ATXN1: variants seen among roughly 807,000 people sequenced by gnomAD.
ATXN1 encodes ataxin-1.
A neutral mutation model predicts 56.4 loss-of-function variants in ATXN1; 8 were observed. The observed-to-expected ratio is 0.14, with a 90% confidence interval of 0.08 to 0.26. The LOEUF is 0.26. ATXN1 is among the 10% of genes least tolerant of loss of function. ATXN1 has a pLI of 1.00. For synonymous variants in ATXN1, 514 were observed against 494.6 expected (o/e 1.04, Z -0.52); for missense variants, 987 against 1,106.5 (o/e 0.89, Z 1.53).
intron 3 of ATXN1, among the ~76,000 whole-genome samples, chr6:16,606,797 G>A (rs111275569): frequency 0.048 from 7,255 of 150,926 alleles, 566 homozygotes; most frequent in African/African-American, 0.17. Context: ...CGAAGTGCTG[G>A]GATTACAAGC....
intron 6 of ATXN1, among the ~76,000 whole-genome samples, chr6:16,419,340 T>A (rs1758984379): frequency 1.3e-5 from 2 of 152,210 alleles, no homozygotes; most frequent in Admixed American, 1.3e-4. Context: ...TCTATTCCAA[T>A]CATTATTATA....
At chr6:16,696,220 T>A (rs1338931529) in intron 2 of ATXN1, among the ~76,000 whole-genome samples, 2 of 152,154 alleles carry the variant, frequency 1.3e-5, no homozygotes, top group Non-Finnish European at 2.9e-5. Context: ...TTTATCAGAT[T>A]GATTATCTGG....
chr6:16,713,709 T>G (rs1303577756), intron 2 of ATXN1, among the ~76,000 whole-genome samples: 1 of 152,212 alleles, frequency 6.6e-6, no homozygotes, highest in Non-Finnish European at 1.5e-5. Context: ...AGCATCAGTT[T>G]CACGGAGGGA....
chr6:16,667,835 C>T (rs1021945624), intron 2 of ATXN1, among the ~76,000 whole-genome samples: 4 of 152,184 alleles, frequency 2.6e-5, no homozygotes, highest in African/African-American at 9.7e-5. Context: ...AACCCACAAT[C>T]GTTAAAAACA....
chr6:16,622,620 A>G (rs1252449164), intron 3 of ATXN1, among the ~76,000 whole-genome samples: 3 of 152,218 alleles, frequency 2.0e-5, no homozygotes, highest in Non-Finnish European at 4.4e-5. Flanking sequence ...CTATTTCAGG[A>G]ATGTAAATTT....
chr6:16,510,055 T>C (rs961511114), intron 5 of ATXN1, among the ~76,000 whole-genome samples: 1 of 152,226 alleles, frequency 6.6e-6, no homozygotes, highest in Admixed American at 6.5e-5. Flanking sequence ...ATCACTTCTA[T>C]CTTTAACCCT....
intron 6 of ATXN1, among the ~76,000 whole-genome samples, chr6:16,448,059 C>T (rs1256775539): frequency 6.6e-6 from 1 of 152,190 alleles, no homozygotes; most frequent in Non-Finnish European, 1.5e-5. Flanking sequence ...CCTTTCAATG[C>T]TTCCTATTAC....
intron 5 of ATXN1, among the ~76,000 whole-genome samples, chr6:16,490,481 T>A (rs568344965): frequency 2.0e-4 from 30 of 152,242 alleles, no homozygotes; most frequent in Non-Finnish European, 3.5e-4. Flanking sequence ...CTTAAAACTC[T>A]GGAGCTTGAT....
rs371945588 is a variant in ATXN1 at position 16,656,186 on chromosome 6, ACC to A, written c.-489+1588_-489+1589del. On this transcript the variant is annotated intron_variant, in intron 3 of 7. Transcript: ENST00000436367. ...AAATGGGCAAATGGGGCCAGGAGGGACCCCCCGAGGACCTGGCTCCTTTCCTC... is the reference window on the plus strand; with the variant it reads ...AAATGGGCAAATGGGGCCAGGAGGGACCCCGAGGACCTGGCTCCTTTCCTC... Among the ~76,000 whole-genome samples, 468 of 151,812 alleles carry A rather than the reference ACC, an allele frequency of 3.1e-3. 7 individuals carry two copies. Among genetic ancestry groups the A allele is most frequent in the Admixed American group, 0.026 (404 of 15,250 alleles).
intron 3 of ATXN1, among the ~76,000 whole-genome samples, chr6:16,631,622 C>T (rs755868335): frequency 1.3e-5 from 2 of 152,216 alleles, no homozygotes; most frequent in Non-Finnish European, 2.9e-5. Context: ...TCCTCATTCA[C>T]ATCCTTGGTT....
intron 4 of ATXN1, among the ~76,000 whole-genome samples, chr6:16,530,929 T>A (rs1761491766): frequency 6.6e-6 from 1 of 152,190 alleles, no homozygotes; most frequent in East Asian, 1.9e-4. Context: ...CTTAATACTC[T>A]TCAACTGCCA....
Position 16,327,158 on chromosome 6 carries a change from G to C in ATXN1, c.1153C>G (p.Leu385Val). 3 of 1,613,774 alleles carry C rather than the reference G, an allele frequency of 1.9e-6. No individual in the cohort carries two copies. The highest frequency in any genetic ancestry group is 2.5e-6 in the Non-Finnish European group (3 of 1,180,026). Residue 385 changes from leucine to valine, a missense_variant, in exon 7 of 8, where the codon CTG (leucine) becomes GTG (valine). By Grantham distance (32) the Leu-to-Val change is conservative (BLOSUM62 1). Coordinates refer to ENST00000436367, the MANE Select transcript of ATXN1 (RefSeq NM_001128164.2). The stretch of plus-strand genomic sequence containing the variant: ...GCTGCGGGCGTGTTGCTGTTGGGCA[G>C]GACCATCACAGAGGCCCGGACCCCC... ...PSGVRASVMV[L>V]PNSNTPAADL...
intron 6 of ATXN1, among the ~76,000 whole-genome samples, chr6:16,473,311 C>T (rs759812858): frequency 2.0e-5 from 3 of 152,138 alleles, no homozygotes; most frequent in Admixed American, 6.5e-5. Flanking sequence ...GGTCCCCAAA[C>T]GTACCGGTGA....
At chr6:16,622,646 T>A (rs2113802332) in intron 3 of ATXN1, among the ~76,000 whole-genome samples, 1 of 152,342 alleles carries the variant, frequency 6.6e-6, no homozygotes, top group African/African-American at 2.4e-5. Context: ...AGTAAGAGTG[T>A]TCTGCATGCA....
chr6:16,461,828 G>A (rs571985536), intron 6 of ATXN1, among the ~76,000 whole-genome samples: 1 of 152,240 alleles, frequency 6.6e-6, no homozygotes, highest in Non-Finnish European at 1.5e-5. Context: ...GGCTGAGAAG[G>A]CAAACGAAAC....
At chr6:16,398,638 G>A (rs972711557) in intron 6 of ATXN1, among the ~76,000 whole-genome samples, 1 of 151,906 alleles carries the variant, frequency 6.6e-6, no homozygotes, top group South Asian at 2.1e-4. Flanking sequence ...TTTGTTTTTC[G>A]CCTCCTCCAG....
intron 2 of ATXN1, among the ~76,000 whole-genome samples, chr6:16,727,275 A>C (rs1214682017): frequency 6.6e-6 from 1 of 152,236 alleles, no homozygotes; most frequent in Non-Finnish European, 1.5e-5. Context: ...TATAATAAAA[A>C]AGCAATTAAT....
At chr6:16,340,387 T>C (rs1761219085) in intron 6 of ATXN1, among the ~76,000 whole-genome samples, 1 of 152,226 alleles carries the variant, frequency 6.6e-6, no homozygotes, top group Non-Finnish European at 1.5e-5. Context: ...TGAGCTTCCC[T>C]GGTTGGTGAT....
intron 3 of ATXN1, among the ~76,000 whole-genome samples, chr6:16,652,530 T>C (rs1371474084): frequency 6.6e-6 from 1 of 152,228 alleles, no homozygotes; most frequent in Non-Finnish European, 1.5e-5. Context: ...TCTGGCATTT[T>C]GCTAAAATCC....
Sources: allele counts gnomAD v4.1 joint callset (sites outside exome capture counted in the v4.1 genomes callset), GRCh38; gene constraint gnomAD v4.1.1; transcripts MANE v1.5; gene names NCBI Gene and HGNC (gene_info 2026-07-23, HGNC 2026-07-21).